The following CNTN4 variants were observed in gnomAD, a reference collection of about 807,000 sequenced individuals.
CNTN4 encodes the protein contactin 4.
CNTN4 carries 77 observed loss-of-function variants against 122.5 expected under a neutral mutation model. The ratio of observed to expected loss-of-function variants is 0.63; its 90% CI spans 0.52 to 0.76. The LOEUF (loss-of-function observed/expected upper bound fraction) is 0.76, where lower values mean the gene tolerates loss of function less well. CNTN4 is among the 30% of genes least tolerant of loss of function. CNTN4 has a pLI of 0.00. For missense variants in CNTN4, 1,256 were observed against 1,259.1 expected, an observed-to-expected ratio of 1.00 and a Z score of 0.04; for synonymous variants, 512 against 447.0, an observed-to-expected ratio of 1.15 and a Z score of -1.83.
At chr3:2,664,888 C>T (rs1022970181) in intron 4 of CNTN4, among the ~76,000 whole-genome samples, 5 of 152,158 alleles carry the variant, frequency 3.3e-5, no homozygotes, top group Admixed American at 6.6e-5. Flanking sequence ...CTTTCCACGA[C>T]ATTTGATTTG....
intron 24 of CNTN4, among the ~76,000 whole-genome samples, chr3:3,054,217 A>G (rs1260976575): frequency 6.6e-6 from 1 of 152,234 alleles, no homozygotes; most frequent in African/African-American, 2.4e-5. Context: ...GACCCGAATT[A>G]GTCACTAAGG....
intron 4 of CNTN4, among the ~76,000 whole-genome samples, chr3:2,669,584 C>T (rs1473874561): frequency 6.6e-6 from 1 of 152,106 alleles, no homozygotes; most frequent in African/African-American, 2.4e-5. Context: ...TTTTGTGTCT[C>T]TATCTCCTTC....
intron 2 of CNTN4, among the ~76,000 whole-genome samples, chr3:2,173,749 A>G (rs1443743140): frequency 6.6e-6 from 1 of 152,226 alleles, no homozygotes; most frequent in Non-Finnish European, 1.5e-5. Flanking sequence ...TAATAATAAT[A>G]GTTTACCTCA....
intron 6 of CNTN4, among the ~76,000 whole-genome samples, chr3:2,815,001 G>T (rs908174976): frequency 6.6e-6 from 1 of 152,178 alleles, no homozygotes; most frequent in Non-Finnish European, 1.5e-5. Context: ...CATAATGCCT[G>T]CTGCTACTGA....
chr3:3,039,627 G>A (rs1699957420), intron 19 of CNTN4: 1 of 245,774 alleles, frequency 4.1e-6, no homozygotes, highest in African/African-American at 2.2e-5. Context: ...TGAGAGGGAG[G>A]ATCTTCAGCC....
chr3:2,819,637 C>G, intron 7 of CNTN4, 56 bp downstream of exon 7: 2 of 1,256,760 alleles, frequency 1.6e-6, no homozygotes, highest in East Asian at 2.3e-5. Context: ...TTTTCTTCCT[C>G]AATGTTCTCC....
chr3:2,143,101 C>G (rs2035079193), intron 2 of CNTN4, among the ~76,000 whole-genome samples: 1 of 152,320 alleles, frequency 6.6e-6, no homozygotes, highest in East Asian at 1.9e-4. Context: ...GGATGGTTCA[C>G]TGTACTGCCG....
intron 3 of CNTN4, among the ~76,000 whole-genome samples, chr3:2,401,513 AT>A (rs1264368439): frequency 1.3e-5 from 2 of 152,132 alleles, no homozygotes; most frequent in East Asian, 1.9e-4. Context: ...TGTGTAAATT[AT>A]TTCACAACTT....
chr3:2,170,288 C>A (rs904183607), intron 2 of CNTN4, among the ~76,000 whole-genome samples: 1 of 151,882 alleles, frequency 6.6e-6, no homozygotes, highest in Non-Finnish European at 1.5e-5. Context: ...CCACCGCACT[C>A]CAGCCTGGGC....
At chr3:2,551,127 A>T (rs1277037320) in intron 3 of CNTN4, among the ~76,000 whole-genome samples, 2 of 152,118 alleles carry the variant, frequency 1.3e-5, no homozygotes, top group Admixed American at 6.6e-5. Context: ...GGCGTAAAGC[A>T]AGCAGAATCT....
At chr3:2,157,807 A>C (rs1039230079) in intron 2 of CNTN4, among the ~76,000 whole-genome samples, 3 of 152,202 alleles carry the variant, frequency 2.0e-5, no homozygotes, top group African/African-American at 7.2e-5. Flanking sequence ...CTGACTTCAA[A>C]ATTTTCTGTT....
At chr3:2,371,675 C>T (rs1332958128) in intron 3 of CNTN4, among the ~76,000 whole-genome samples, 1 of 152,138 alleles carries the variant, frequency 6.6e-6, no homozygotes, top group Non-Finnish European at 1.5e-5. Flanking sequence ...ATTATATCCC[C>T]AGTGCCTTTC....
In CNTN4 at chr3:2,913,818, A is replaced by T. The variant is rs78311855; in HGVS notation, c.1207+10813A>T. On this transcript the variant is annotated intron_variant, in intron 12 of 24. Transcript: ENST00000418658. ...TGTAGGCCAGTTGGACCTAACAAGC[A>T]TATAAAGAACACTGCTCTCTACTAC... Among the ~76,000 whole-genome samples the T allele has an allele frequency of 7.0e-3, 1,059 of 152,324 alleles. 15 individuals carry two copies. Among genetic ancestry groups the T allele is most frequent in the African/African-American group, 0.025 (1,019 of 41,572 alleles).
At chr3:2,732,433 C>T (rs1289857710) in intron 4 of CNTN4, among the ~76,000 whole-genome samples, 2 of 151,618 alleles carry the variant, frequency 1.3e-5, no homozygotes, top group African/African-American at 4.9e-5. Flanking sequence ...TCATTTGCTG[C>T]GATGCTCTTT....
chr3:2,273,300 C>T (rs1188511801), intron 2 of CNTN4, among the ~76,000 whole-genome samples: 1 of 152,248 alleles, frequency 6.6e-6, no homozygotes, highest in Admixed American at 6.5e-5. Flanking sequence ...TGTAACTTTT[C>T]GAAGACTCTC....
intron 8 of CNTN4, among the ~76,000 whole-genome samples, chr3:2,879,930 T>C (rs932356847): frequency 1.3e-5 from 2 of 152,184 alleles, no homozygotes; most frequent in African/African-American, 4.8e-5. Context: ...TTGGGTCATT[T>C]AAAGACCATT....
intron 6 of CNTN4, 101 bp downstream of exon 6, chr3:2,745,798 A>AT: frequency 9.8e-7 from 1 of 1,019,992 alleles, no homozygotes; most frequent in East Asian, 2.5e-5. Flanking sequence ...CTAGATTTTA[A>AT]TTGGTTACAT....
At chr3:2,144,824 A>C (rs996723983) in intron 2 of CNTN4, among the ~76,000 whole-genome samples, 1 of 152,222 alleles carries the variant, frequency 6.6e-6, no homozygotes, top group Non-Finnish European at 1.5e-5. Flanking sequence ...TAAGAGAAAA[A>C]TCTGCCCAGA....
chr3:2,890,437 G>A (rs979957384), intron 10 of CNTN4, among the ~76,000 whole-genome samples: 3 of 152,168 alleles, frequency 2.0e-5, no homozygotes, highest in African/African-American at 4.8e-5. Flanking sequence ...TTGTTGACAA[G>A]AATTTCTTAC....
Sources: allele counts gnomAD v4.1 joint callset (sites outside exome capture counted in the v4.1 genomes callset), GRCh38; gene constraint gnomAD v4.1.1; transcripts MANE v1.5; gene names NCBI Gene and HGNC (gene_info 2026-07-23, HGNC 2026-07-21).